The following ARHGEF4 variants were observed in gnomAD, a reference collection of about 807,000 sequenced individuals.
The protein encoded by ARHGEF4 is Rho guanine nucleotide exchange factor 4.
A neutral mutation model predicts 162.0 loss-of-function variants in ARHGEF4; 119 were observed. The observed-to-expected ratio is 0.73, with a 90% CI of 0.63 to 0.86. The LOEUF (loss-of-function observed/expected upper bound fraction) is 0.86, where lower values mean the gene tolerates loss of function less well. ARHGEF4 is among the 40% of genes least tolerant of loss of function. The pLI is 0.00. For synonymous variants in ARHGEF4, 1,014 were observed against 979.9 expected (o/e 1.03, Z -0.65); for missense variants, 2,488 against 2,456.0 (o/e 1.01, Z -0.28).
At chr2:130,909,936 AG>A (rs1325830680) in intron 1 of ARHGEF4, among the ~76,000 whole-genome samples, 3 of 152,232 alleles carry the variant, frequency 2.0e-5, no homozygotes, top group Non-Finnish European at 2.9e-5. Context: ...GGACAAAAAA[AG>A]AAGGAAGAGT....
At chr2:130,879,535 A>G (rs931554192) in intron 1 of ARHGEF4, among the ~76,000 whole-genome samples, 3 of 152,104 alleles carry the variant, frequency 2.0e-5, no homozygotes, top group African/African-American at 7.2e-5. Flanking sequence ...AGATCTCTTG[A>G]ACTTATTCCT....
At position 130,916,356 on chromosome 2, in the gene ARHGEF4, A is replaced by AGT; in HGVS notation, c.2411_2412insTG (p.Arg804SerfsTer121). ...CAAGGTGACCTCCTTCAGGAAGGGC[A>AGT]GGCCCTTGGCCACTGAGAGCCCAGG... On this transcript the variant is annotated frameshift_variant, in exon 2 of 14. Coordinates refer to ENST00000409359, the MANE Select transcript of ARHGEF4 (RefSeq NM_001367493.1). LOFTEE classifies it high-confidence loss of function. The AGT allele has an allele frequency of 6.5e-7, 1 of 1,542,434 alleles. No homozygotes were observed. The highest frequency in any genetic ancestry group is 8.7e-7 in the Non-Finnish European group (1 of 1,145,434).
intron 4 of ARHGEF4, among the ~76,000 whole-genome samples, chr2:130,977,729 G>A (rs1379558088): frequency 6.6e-6 from 1 of 151,970 alleles, no homozygotes; most frequent in African/African-American, 2.4e-5. Context: ...TGCGTGTGTG[G>A]TGTTTCATGT....
chr2:130,977,337 T>C (rs924921424), intron 4 of ARHGEF4, among the ~76,000 whole-genome samples: 1 of 151,848 alleles, frequency 6.6e-6, no homozygotes. Context: ...GCGTTAAGTA[T>C]GTGGTGTGTG....
At chr2:131,039,449 AG>A in intron 6 of ARHGEF4, 6 of 1,024,826 alleles carry the variant, frequency 5.9e-6, no homozygotes, top group Non-Finnish European at 7.0e-6. Flanking sequence ...GATAGCAGAG[AG>A]GGGACCTGGA....
intron 5 of ARHGEF4, among the ~76,000 whole-genome samples, chr2:131,028,587 G>A (rs10179717): frequency 0.84 from 128,213 of 152,244 alleles, 56,525 homozygotes; most frequent in Non-Finnish European, 0.97. Flanking sequence ...TACTGAAGCA[G>A]AAGAAATCCA....
intron 4 of ARHGEF4, among the ~76,000 whole-genome samples, chr2:131,012,427 A>G (rs1688514944): frequency 6.6e-6 from 1 of 152,190 alleles, no homozygotes; most frequent in South Asian, 2.1e-4. Flanking sequence ...CAAATACCCA[A>G]AAGTGAACGC....
chr2:130,988,901 T>TATAGAGAGAG lies in ARHGEF4; in HGVS notation c.3986-39043_3986-39042insTAGAGAGAGA, dbSNP rs1469212068. On this transcript the variant is annotated intron_variant, in intron 4 of 13. Coordinates refer to ENST00000409359, the MANE Select transcript of ARHGEF4 (RefSeq NM_001367493.1). ...ATATATATATATATATATATATATA[T>TATAGAGAGAG]AGAGAGAGAGAGAGAGAGAGAGAGA... Among the ~76,000 whole-genome samples, 196 of 113,356 alleles carry TATAGAGAGAG rather than the reference T, an allele frequency of 1.7e-3. 1 individual carries two copies. The highest frequency in any genetic ancestry group is 3.1e-3 in the South Asian group (9 of 2,868). The allele number at this position is 113,356 out of a possible 152,430, so 74.4% of individuals were successfully genotyped here.
chr2:130,964,146 G>A (rs1419358991), intron 4 of ARHGEF4: 2 of 984,594 alleles, frequency 2.0e-6, no homozygotes, highest in Non-Finnish European at 2.4e-6. Flanking sequence ...GCTCCGACTC[G>A]GACAGCAGCG....
chr2:130,978,988 C>T (rs1308530913), intron 4 of ARHGEF4, among the ~76,000 whole-genome samples: 1 of 152,176 alleles, frequency 6.6e-6, no homozygotes, highest in East Asian at 1.9e-4. Context: ...TTATCAGAAA[C>T]CTGCACTCAC....
intron 1 of ARHGEF4, among the ~76,000 whole-genome samples, chr2:130,849,406 C>T (rs1290562327): frequency 1.3e-5 from 2 of 152,112 alleles, no homozygotes; most frequent in Non-Finnish European, 2.9e-5. Flanking sequence ...CCTGGGGCCC[C>T]AGTGCCCTGG....
chr2:131,004,156 G>GTGTTT (rs985986886), intron 4 of ARHGEF4, among the ~76,000 whole-genome samples: 6 of 152,186 alleles, frequency 3.9e-5, no homozygotes, highest in South Asian at 2.1e-4. Flanking sequence ...GTTAGTTGGT[G>GTGTTT]TGTTTTGTTT....
chr2:131,015,157 C>T (rs939975198), intron 4 of ARHGEF4, among the ~76,000 whole-genome samples: 1 of 152,156 alleles, frequency 6.6e-6, no homozygotes, highest in Non-Finnish European at 1.5e-5. Flanking sequence ...GACGAAGGAG[C>T]CTGAGAGAAG....
rs1056297947 is a variant in ARHGEF4, at chr2:131,046,413, C to A, written c.*224C>A. 27 of 554,988 alleles carry A rather than the reference C, an allele frequency of 4.9e-5. No homozygotes were observed. The highest frequency in any genetic ancestry group is 7.3e-5 in the Non-Finnish European group (23 of 313,790). 34.4% of individuals were successfully genotyped at this position (554,988 alleles called of 1,614,324 possible). A position where few individuals can be genotyped will look rare whatever the true frequency, so the allele number is the denominator to read the frequency against. On this transcript the variant is annotated 3_prime_UTR_variant, in exon 14 of 14. Transcript: ENST00000409359. ...AGCAAGGGGGCAGACCCCGCACTCG[C>A]CACACCGCCGCTGCAGCTTGGGCCC... is the stretch of plus-strand genomic sequence containing the variant.
intron 4 of ARHGEF4, among the ~76,000 whole-genome samples, chr2:130,977,438 G>T (rs1462210967): frequency 6.6e-6 from 1 of 151,698 alleles, no homozygotes; most frequent in African/African-American, 2.4e-5. Context: ...TTTCTATGTG[G>T]TGTATGTTGC....
intron 4 of ARHGEF4, among the ~76,000 whole-genome samples, chr2:131,023,325 C>T (rs1379032032): frequency 6.6e-6 from 1 of 151,808 alleles, no homozygotes; most frequent in Non-Finnish European, 1.5e-5. Flanking sequence ...ACCAGCTACT[C>T]AGGAGGTTGA....
chr2:130,867,354 T>C (rs1401229597), intron 1 of ARHGEF4, among the ~76,000 whole-genome samples: 1 of 152,004 alleles, frequency 6.6e-6, no homozygotes, highest in Non-Finnish European at 1.5e-5. Context: ...TTCTCCTGCC[T>C]CAGCCTCTTG....
At chr2:131,011,841 G>A in intron 4 of ARHGEF4, 2 of 719,816 alleles carry the variant, frequency 2.8e-6, no homozygotes, top group East Asian at 5.4e-5. Flanking sequence ...AAGACCAGCT[G>A]GAGGTTCTTG....
chr2:130,992,242 AAG>A (rs967144371), intron 4 of ARHGEF4, among the ~76,000 whole-genome samples: 10 of 152,124 alleles, frequency 6.6e-5, no homozygotes, highest in African/African-American at 2.4e-4. Context: ...GGGGCCAGAT[AAG>A]AGAATAAAAG....
Sources: allele counts gnomAD v4.1 joint callset (sites outside exome capture counted in the v4.1 genomes callset), GRCh38; gene constraint gnomAD v4.1.1; transcripts MANE v1.5; gene names NCBI Gene and HGNC (gene_info 2026-07-23, HGNC 2026-07-21).